GLRA2: variants seen among roughly 807,000 people sequenced by gnomAD.
The protein encoded by GLRA2 is glycine receptor alpha 2, also known as glycine receptor subunit alpha-2.
In GLRA2, 11 loss-of-function variants were observed where a neutral mutation model predicts 31.6. That is an observed-to-expected ratio of 0.35 (90% confidence interval 0.22 to 0.58). The LOEUF is 0.58. Ranked by LOEUF, GLRA2 falls within the 20% of genes least tolerant of loss-of-function variation. GLRA2 has a pLI of 0.84. For missense variants in GLRA2, 212 were observed against 351.8 expected, an observed-to-expected ratio of 0.60 and a Z score of 3.18; for synonymous variants, 132 against 134.0, an observed-to-expected ratio of 0.99 and a Z score of 0.10.
At chrX:14,717,602 G>C (rs778323543) in intron 8 of GLRA2, among the ~76,000 whole-genome samples, 2 of 110,843 alleles carry the variant, frequency 1.8e-5, no homozygotes, top group Admixed American at 9.6e-5. Context: ...TCATAGAGTT[G>C]TATATAGTTA....
At chrX:14,700,099 A>T (rs1206479658) in intron 8 of GLRA2, among the ~76,000 whole-genome samples, 1 of 111,316 alleles carries the variant, frequency 9.0e-6, no homozygotes, top group African/African-American at 3.3e-5. Flanking sequence ...TACAGACATG[A>T]CCCTCAGTGT....
At chrX:14,559,169 C>T (rs1053257664) in intron 2 of GLRA2, among the ~76,000 whole-genome samples, 17 of 111,416 alleles carry the variant, frequency 1.5e-4, no homozygotes, top group East Asian at 1.4e-3. Flanking sequence ...TTGTCCAAAG[C>T]AAATGGTTTT....
At chrX:14,589,759 T>C (rs2090125877) in intron 4 of GLRA2, among the ~76,000 whole-genome samples, 1 of 107,515 alleles carries the variant, frequency 9.3e-6, no homozygotes, top group Non-Finnish European at 1.9e-5. Flanking sequence ...TGTGTGTATA[T>C]ATGTATATAT....
the GLRA2 span, among the ~76,000 whole-genome samples, chrX:14,481,515 G>T: frequency 9.0e-6 from 1 of 111,396 alleles, no homozygotes; most frequent in East Asian, 2.8e-4. Flanking sequence ...ATTCTCTTGA[G>T]CTCTTCGACA....
At chrX:14,502,930 C>T in the GLRA2 span, among the ~76,000 whole-genome samples, 1 of 103,934 alleles carries the variant, frequency 9.6e-6, no homozygotes, top group Admixed American at 1.0e-4. Context: ...TACAAAAGGA[C>T]ACTTGTTTAG....
chrX:14,606,270 G>T (rs748229682), intron 5 of GLRA2, among the ~76,000 whole-genome samples: 1 of 110,326 alleles, frequency 9.1e-6, no homozygotes, highest in South Asian at 3.9e-4. Context: ...AAAGGGAAAA[G>T]GTAGAGAAAT....
intron 2 of GLRA2, among the ~76,000 whole-genome samples, chrX:14,541,902 T>G (rs946055639): frequency 4.5e-5 from 5 of 111,073 alleles, no homozygotes; most frequent in Non-Finnish European, 9.5e-5. Context: ...TAAAACAAAT[T>G]AACAACCAAC....
the GLRA2 span, among the ~76,000 whole-genome samples, chrX:14,459,633 C>G: frequency 9.0e-6 from 1 of 111,689 alleles, no homozygotes; most frequent in African/African-American, 3.3e-5. Context: ...CCCTTTGTAG[C>G]AATTGTGAAT....
In GLRA2 at chrX:14,576,624, C is replaced by T. The variant is rs754143561; in HGVS notation, c.270+2224C>T. Among the ~76,000 whole-genome samples the T allele has an allele frequency of 5.4e-5, 6 of 111,860 alleles. No homozygotes were observed. In the East Asian group the frequency reaches 1.1e-3, roughly 21 times the overall value. ...TCAAAAATGTAAATGTGCACCTTTT[C>T]GATGTTCATTAATGCAAAAAAAAGC... is the stretch of plus-strand genomic sequence containing the variant. On this transcript the variant is annotated intron_variant, in intron 3 of 8. Transcript: ENST00000218075.
the GLRA2 span, among the ~76,000 whole-genome samples, chrX:14,465,389 A>G: frequency 4.4e-4 from 49 of 112,137 alleles, no homozygotes; most frequent in Admixed American, 4.6e-3. Context: ...AGATTATATC[A>G]TCTGCAAACA....
At chrX:14,573,254 C>T (rs2188928) in intron 2 of GLRA2, among the ~76,000 whole-genome samples, 1 of 110,702 alleles carries the variant, frequency 9.0e-6, no homozygotes, top group East Asian at 2.8e-4. Flanking sequence ...GAACCCCACA[C>T]GGACTTCTGA....
chrX:14,687,319 T>C lies in GLRA2; in HGVS notation c.931-3391T>C, dbSNP rs1434497501. 3.6e-5 allele frequency among the ~76,000 whole-genome samples: 4 copies of C among 111,648 alleles called. No individual in the cohort carries two copies. In the East Asian group the frequency reaches 1.1e-3, roughly 31 times the overall value. On this transcript the variant is annotated intron_variant, in intron 7 of 8. Transcript: ENST00000218075. ...TTCTCGAGGAGTATCTTTGTGGCATTCTCTGTATTTCCTGAATTTGAATGT... is the reference window on the plus strand; with the variant it reads ...TTCTCGAGGAGTATCTTTGTGGCATCCTCTGTATTTCCTGAATTTGAATGT...
intron 7 of GLRA2, among the ~76,000 whole-genome samples, chrX:14,671,220 C>T (rs181016759): frequency 1.5e-4 from 17 of 111,464 alleles, no homozygotes; most frequent in Admixed American, 1.4e-3. Flanking sequence ...AAAAAATTTT[C>T]AGGATGTGTT....
At chrX:14,705,360 T>C (rs969427362) in intron 8 of GLRA2, among the ~76,000 whole-genome samples, 2 of 111,889 alleles carry the variant, frequency 1.8e-5, no homozygotes, top group African/African-American at 6.5e-5. Flanking sequence ...TGGAGGCGTT[T>C]TTAGTTCTCA....
At chrX:14,476,983 G>A in the GLRA2 span, among the ~76,000 whole-genome samples, 2 of 111,746 alleles carry the variant, frequency 1.8e-5, no homozygotes, top group African/African-American at 3.3e-5. Context: ...GAACAAACCA[G>A]CTTTAACTGT....
At chrX:14,562,395 C>T (rs1374797384) in intron 2 of GLRA2, among the ~76,000 whole-genome samples, 1 of 112,235 alleles carries the variant, frequency 8.9e-6, no homozygotes, top group Non-Finnish European at 1.9e-5. Flanking sequence ...GCCTACACTC[C>T]TAGTATGGGG....
the GLRA2 span, among the ~76,000 whole-genome samples, chrX:14,517,708 A>G: frequency 8.9e-6 from 1 of 111,760 alleles, no homozygotes. Context: ...CAAAGATCAT[A>G]TAAGAACACA....
chrX:14,475,973 C>T, the GLRA2 span, among the ~76,000 whole-genome samples: 2 of 111,440 alleles, frequency 1.8e-5, no homozygotes, highest in Non-Finnish European at 3.8e-5. Context: ...ATAAATGCCT[C>T]TTAATATCCA....
chrX:14,567,991 A>G (rs890846333), intron 2 of GLRA2, among the ~76,000 whole-genome samples: 1 of 112,410 alleles, frequency 8.9e-6, no homozygotes, highest in Non-Finnish European at 1.9e-5. Flanking sequence ...AAATAAATGG[A>G]AAAACATCCC....
Sources: gnomAD v4.1 joint callset for allele counts (sites outside exome capture counted in the v4.1 genomes callset) on GRCh38, gnomAD v4.1.1 for gene constraint, MANE v1.5 for transcripts, NCBI Gene and HGNC (gene_info 2026-07-23, HGNC 2026-07-21) for gene names.